The following ADAM32 variants were observed in gnomAD, a reference collection of about 807,000 sequenced individuals.
ADAM32 encodes disintegrin and metalloproteinase domain-containing protein 32.
A neutral mutation model predicts 114.9 loss-of-function variants in ADAM32; 89 were observed. That is an observed-to-expected ratio of 0.77 (90% CI 0.65 to 0.92). The LOEUF is 0.92. ADAM32 is among the 40% of genes least tolerant of loss of function. The probability of loss-of-function intolerance (pLI) is 0.00; values close to 1 mark genes in which losing one functional copy is unlikely to be tolerated. For missense variants in ADAM32, 870 were observed against 932.8 expected, an observed-to-expected ratio of 0.93 and a Z score of 0.88; for synonymous variants, 285 against 307.5, an observed-to-expected ratio of 0.93 and a Z score of 0.77.
At chr8:39,193,918 G>GAA (rs1806771224) in intron 11 of ADAM32, among the ~76,000 whole-genome samples, 1 of 152,198 alleles carries the variant, frequency 6.6e-6, no homozygotes, top group Admixed American at 6.5e-5. Flanking sequence ...ATTCCAATAG[G>GAA]TGGTGCCAGC....
At chr8:39,176,480 A>T (rs1466261571) in intron 10 of ADAM32, among the ~76,000 whole-genome samples, 1 of 152,120 alleles carries the variant, frequency 6.6e-6, no homozygotes, top group Admixed American at 6.5e-5. Flanking sequence ...TTCAATGCTT[A>T]TGTAGTTGTG....
At chr8:39,144,582 G>C (rs1803382839) in intron 3 of ADAM32, among the ~76,000 whole-genome samples, 1 of 152,158 alleles carries the variant, frequency 6.6e-6, no homozygotes, top group Middle Eastern at 3.2e-3. Context: ...TTTAGAATGG[G>C]GGAGAGAAGT....
intron 11 of ADAM32, among the ~76,000 whole-genome samples, chr8:39,204,098 C>T (rs1274853951): frequency 6.6e-6 from 1 of 152,156 alleles, no homozygotes; most frequent in Admixed American, 6.6e-5. Flanking sequence ...GTGAATCTGA[C>T]AATTATGTGT....
intron 10 of ADAM32, among the ~76,000 whole-genome samples, chr8:39,179,040 T>G (rs1045225881): frequency 6.6e-6 from 1 of 152,146 alleles, no homozygotes; most frequent in African/African-American, 2.4e-5. Context: ...AGTCTGGCTG[T>G]CCCTTCACAG....
chr8:39,264,097 A>C (rs1324613616), intron 19 of ADAM32, among the ~76,000 whole-genome samples: 1 of 152,068 alleles, frequency 6.6e-6, no homozygotes, highest in Non-Finnish European at 1.5e-5. Context: ...GTCTATCCCC[A>C]GATTACCACT....
At chr8:39,142,823 G>A (rs1188114906) in intron 3 of ADAM32, among the ~76,000 whole-genome samples, 2 of 152,152 alleles carry the variant, frequency 1.3e-5, no homozygotes, top group African/African-American at 4.8e-5. Context: ...CATTCTCCCT[G>A]TCACTTTCCG....
At chr8:39,217,469 AC>A (rs1808659603) in intron 12 of ADAM32, among the ~76,000 whole-genome samples, 1 of 151,430 alleles carries the variant, frequency 6.6e-6, no homozygotes, top group African/African-American at 2.4e-5. Flanking sequence ...CTCTTTATCT[AC>A]CTCCTCTTTA....
chr8:39,160,753 CTTTA>C (rs1345447324), intron 6 of ADAM32, 140 bp from the exon 7 acceptor site: 8 of 704,318 alleles, frequency 1.1e-5, no homozygotes, highest in Admixed American at 3.8e-5. Flanking sequence ...AAACTTAAAA[CTTTA>C]TTTATTAATT....
At chr8:39,253,439 G>A (rs1811434615) in intron 17 of ADAM32, among the ~76,000 whole-genome samples, 2 of 151,560 alleles carry the variant, frequency 1.3e-5, no homozygotes, top group African/African-American at 4.8e-5. Context: ...ATGAGGCAAG[G>A]AAAAGAAATA....
At chr8:39,187,118 T>C in intron 11 of ADAM32, 73 bp downstream of exon 11, 1 of 1,413,462 alleles carries the variant, frequency 7.1e-7, no homozygotes, top group Non-Finnish European at 9.5e-7. Flanking sequence ...AATTTAGTAT[T>C]TACTTAAAGC....
At chr8:39,271,447 C>A in intron 20 of ADAM32, among the ~76,000 whole-genome samples, 1 of 125,202 alleles carries the variant, frequency 8.0e-6, no homozygotes. Flanking sequence ...ACAATCAATG[C>A]TACTTAACCT....
chr8:39,124,721 C>T (rs1191195965), intron 2 of ADAM32, among the ~76,000 whole-genome samples: 1 of 152,114 alleles, frequency 6.6e-6, no homozygotes, highest in African/African-American at 2.4e-5. Flanking sequence ...AGCCAATATA[C>T]TACATTTTCT....
At chr8:39,242,844 A>T (rs1447401375) in intron 16 of ADAM32, among the ~76,000 whole-genome samples, 1 of 152,238 alleles carries the variant, frequency 6.6e-6, no homozygotes, top group Non-Finnish European at 1.5e-5. Flanking sequence ...ATGAAACAAA[A>T]GCTGGTTCTT....
intron 12 of ADAM32, among the ~76,000 whole-genome samples, 199 bp downstream of exon 12, chr8:39,211,523 C>CA (rs1257296807): frequency 6.6e-6 from 1 of 152,004 alleles, no homozygotes; most frequent in Non-Finnish European, 1.5e-5. Context: ...TAATGTACTG[C>CA]AAAAAATTAT....
At chr8:39,201,590 T>C (rs1807414320) in intron 11 of ADAM32, among the ~76,000 whole-genome samples, 1 of 152,070 alleles carries the variant, frequency 6.6e-6, no homozygotes, top group African/African-American at 2.4e-5. Context: ...CAATTTGACT[T>C]CCTCTTTTCC....
At chr8:39,257,542 G>A (rs1272538238) in intron 19 of ADAM32, among the ~76,000 whole-genome samples, 199 bp downstream of exon 19, 3 of 151,986 alleles carry the variant, frequency 2.0e-5, no homozygotes, top group African/African-American at 7.2e-5. Flanking sequence ...AATTTACATA[G>A]TTTGCCAAAG....
In ADAM32 at chr8:39,124,384, C is replaced by T. The variant is rs139170943; in HGVS notation, c.138+6219C>T. Reference sequence around the variant, plus strand: ...TCCTTTTTATGACTGCATAGTATTCCATGGTATAGATTTACCACATTTTCT... The same window carrying T: ...TCCTTTTTATGACTGCATAGTATTCTATGGTATAGATTTACCACATTTTCT... On this transcript the variant is annotated intron_variant, in intron 2 of 24. Coordinates refer to ENST00000379907, the MANE Select transcript of ADAM32 (RefSeq NM_145004.7). Among the ~76,000 whole-genome samples, 308 of 151,018 alleles carry T rather than the reference C, an allele frequency of 2.0e-3. 1 individual carries two copies. Among genetic ancestry groups the T allele is most frequent in the Non-Finnish European group, 2.4e-3 (161 of 67,856 alleles).
intron 3 of ADAM32, among the ~76,000 whole-genome samples, chr8:39,138,050 A>C (rs1434815574): frequency 6.6e-6 from 1 of 152,216 alleles, no homozygotes; most frequent in Admixed American, 6.5e-5. Context: ...TAACTGCTTA[A>C]TGATTATGAT....
intron 22 of ADAM32, among the ~76,000 whole-genome samples, chr8:39,280,371 T>G (rs912565921): frequency 2.0e-5 from 3 of 152,236 alleles, no homozygotes; most frequent in Non-Finnish European, 2.9e-5. Context: ...TCTCTATGTA[T>G]CTAATAGAAA....
Sources: gnomAD v4.1 joint callset for allele counts (sites outside exome capture counted in the v4.1 genomes callset) on GRCh38, gnomAD v4.1.1 for gene constraint, MANE v1.5 for transcripts, NCBI Gene and HGNC (gene_info 2026-07-23, HGNC 2026-07-21) for gene names.